The following TRPC4 variants were observed in gnomAD, a reference collection of about 807,000 sequenced individuals.
TRPC4 encodes the protein short transient receptor potential channel 4.
In TRPC4, 49 loss-of-function variants were observed where a neutral mutation model predicts 99.4. The observed-to-expected ratio is 0.49, with a 90% CI of 0.39 to 0.63. The LOEUF is 0.63. Among genes scored for constraint, TRPC4 ranks in the 20% least tolerant of loss-of-function variants. TRPC4 has a pLI of 0.00. For synonymous variants in TRPC4, 454 were observed against 425.9 expected (o/e 1.07, Z -0.81); for missense variants, 898 against 1,152.9 (o/e 0.78, Z 3.20).
rs1566052104 is a variant in TRPC4 at position 37,632,368 on chromosome 13, A to G, written c.*4535T>C. On this transcript the variant is annotated 3_prime_UTR_variant, in exon 11 of 11. Transcript: ENST00000379705. ...ATCAGTTCAATATGTAGCCAACATAAAATATTTATGAGCTAGTTTACATTA... is the reference window on the plus strand; with the variant it reads ...ATCAGTTCAATATGTAGCCAACATAGAATATTTATGAGCTAGTTTACATTA... Among the ~76,000 whole-genome samples the G allele has an allele frequency of 1.3e-5, 2 of 152,232 alleles. No homozygotes were observed.
intron 5 of TRPC4, among the ~76,000 whole-genome samples, chr13:37,665,198 T>C (rs1469893568): frequency 2.0e-5 from 3 of 152,182 alleles, no homozygotes; most frequent in African/African-American, 7.2e-5. Context: ...CACATTGTCC[T>C]TCCTTTCCTC....
intron 3 of TRPC4, among the ~76,000 whole-genome samples, chr13:37,695,885 C>T (rs898442376): frequency 6.6e-6 from 1 of 152,084 alleles, no homozygotes; most frequent in Non-Finnish European, 1.5e-5. Context: ...CTCCAAGCCA[C>T]AATGGCAACA....
intron 1 of TRPC4, among the ~76,000 whole-genome samples, chr13:37,855,181 G>C (rs917856460): frequency 2.0e-5 from 3 of 151,274 alleles, no homozygotes; most frequent in African/African-American, 7.3e-5. Flanking sequence ...AAGCAAGCAG[G>C]AGTAGCTACA....
chr13:37,865,045 A>G (rs1959645450), intron 1 of TRPC4, among the ~76,000 whole-genome samples: 1 of 151,798 alleles, frequency 6.6e-6, no homozygotes, highest in African/African-American at 2.4e-5. Context: ...ATTCAAAGAA[A>G]GTATTCCTTC....
At chr13:37,724,677 T>C (rs1954983648) in intron 3 of TRPC4, among the ~76,000 whole-genome samples, 1 of 152,186 alleles carries the variant, frequency 6.6e-6, no homozygotes. Context: ...GGTAACATTA[T>C]TGTGAGTAAA....
chr13:37,784,119 G>C (rs995364903), intron 1 of TRPC4, among the ~76,000 whole-genome samples: 1 of 151,964 alleles, frequency 6.6e-6, no homozygotes, highest in African/African-American at 2.4e-5. Flanking sequence ...TTTTCTCTCT[G>C]TGAGTTCATT....
At chr13:37,817,657 C>A (rs1957896594) in intron 1 of TRPC4, among the ~76,000 whole-genome samples, 1 of 151,768 alleles carries the variant, frequency 6.6e-6, no homozygotes, top group Admixed American at 6.6e-5. Flanking sequence ...TTACGGTAAT[C>A]AAAACAGCAT....
At chr13:37,800,629 G>T (rs1294898832) in intron 1 of TRPC4, among the ~76,000 whole-genome samples, 3 of 151,810 alleles carry the variant, frequency 2.0e-5, no homozygotes, top group Non-Finnish European at 4.4e-5. Flanking sequence ...GTAATATATA[G>T]GTATATGTAG....
chr13:37,655,471 T>C (rs1272825857), intron 6 of TRPC4, among the ~76,000 whole-genome samples, 188 bp from the exon 7 acceptor site: 1 of 151,732 alleles, frequency 6.6e-6, no homozygotes. Flanking sequence ...AATAAAACTG[T>C]TTTCCTCAAA....
At chr13:37,640,294 C>G (rs1167790406) in intron 8 of TRPC4, among the ~76,000 whole-genome samples, 3 of 151,962 alleles carry the variant, frequency 2.0e-5, no homozygotes, top group Non-Finnish European at 4.4e-5. Flanking sequence ...TAATCATAGG[C>G]TGATAAAACA....
chr13:37,801,326 G>C (rs1957394820), intron 1 of TRPC4, among the ~76,000 whole-genome samples: 1 of 152,040 alleles, frequency 6.6e-6, no homozygotes, highest in Admixed American at 6.6e-5. Flanking sequence ...AAAACAGCCA[G>C]AATGAATGAA....
At chr13:37,723,413 A>C (rs950210545) in intron 3 of TRPC4, among the ~76,000 whole-genome samples, 1 of 152,216 alleles carries the variant, frequency 6.6e-6, no homozygotes, top group African/African-American at 2.4e-5. Context: ...AATGAAAAAA[A>C]TATATATGTT....
chr13:37,682,662 C>T (rs1490375424), intron 4 of TRPC4, among the ~76,000 whole-genome samples: 2 of 152,174 alleles, frequency 1.3e-5, no homozygotes, highest in Non-Finnish European at 2.9e-5. Context: ...CCCTCTCCTT[C>T]CGTAATCTGT....
intron 3 of TRPC4, among the ~76,000 whole-genome samples, chr13:37,737,169 A>G (rs1038996849): frequency 1.3e-5 from 2 of 151,684 alleles, no homozygotes; most frequent in African/African-American, 4.8e-5. Flanking sequence ...GGAATCTTGT[A>G]TTTTTCTGCA....
intron 3 of TRPC4, among the ~76,000 whole-genome samples, chr13:37,721,298 T>G (rs1954860404): frequency 6.6e-6 from 1 of 152,152 alleles, no homozygotes; most frequent in African/African-American, 2.4e-5. Context: ...TTTATTATAT[T>G]TTTAATTTCA....
chr13:37,725,822 T>C (rs1385356324), intron 3 of TRPC4, among the ~76,000 whole-genome samples: 2 of 152,118 alleles, frequency 1.3e-5, no homozygotes, highest in African/African-American at 4.8e-5. Flanking sequence ...TAAATTGAGT[T>C]CTGCAGTTTG....
At chr13:37,810,184 C>T (rs1210712750) in intron 1 of TRPC4, among the ~76,000 whole-genome samples, 1 of 151,906 alleles carries the variant, frequency 6.6e-6, no homozygotes, top group African/African-American at 2.4e-5. Flanking sequence ...TACAGAATTC[C>T]ATATTATTAC....
intron 3 of TRPC4, among the ~76,000 whole-genome samples, chr13:37,707,606 C>G (rs1954327608): frequency 6.6e-6 from 1 of 152,066 alleles, no homozygotes; most frequent in South Asian, 2.1e-4. Context: ...TTTCCTATGT[C>G]AGTACTAATA....
intron 1 of TRPC4, among the ~76,000 whole-genome samples, chr13:37,787,704 G>A (rs1306963415): frequency 3.3e-5 from 5 of 152,000 alleles, no homozygotes; most frequent in Non-Finnish European, 7.4e-5. Flanking sequence ...AAGTTGTAGG[G>A]ACATTTCTGT....
Sources: gnomAD v4.1 joint callset for allele counts (sites outside exome capture counted in the v4.1 genomes callset) on GRCh38, gnomAD v4.1.1 for gene constraint, MANE v1.5 for transcripts, NCBI Gene and HGNC (gene_info 2026-07-23, HGNC 2026-07-21) for gene names.